The following CUL5 variants were observed in gnomAD, a reference collection of about 807,000 sequenced individuals.
CUL5 encodes the protein cullin 5.
In CUL5, 26 loss-of-function variants were observed where a neutral mutation model predicts 108.8. The observed-to-expected ratio is 0.24, with a 90% CI of 0.18 to 0.33. CUL5 has a LOEUF of 0.33. CUL5 is among the 10% of genes least tolerant of loss of function. CUL5 has a pLI of 1.00. For synonymous variants in CUL5, 334 were observed against 298.0 expected (o/e 1.12, Z -1.25); for missense variants, 524 against 909.2 (o/e 0.58, Z 5.45).
chr11:108,094,651 A>C, intron 14 of CUL5, 137 bp downstream of exon 14: 1 of 774,418 alleles, frequency 1.3e-6, no homozygotes, highest in Non-Finnish European at 2.0e-6. Context: ...ACAGCTATCA[A>C]AGCAGTGTGT....
intron 13 of CUL5, among the ~76,000 whole-genome samples, 198 bp from the exon 14 acceptor site, chr11:108,094,193 G>T (rs923212412): frequency 2.9e-4 from 44 of 152,106 alleles, no homozygotes; most frequent in African/African-American, 1.0e-3. Flanking sequence ...CTAAAAATGC[G>T]CAAAGCAGGG....
chr11:108,059,942 T>A (rs7931791), intron 7 of CUL5, among the ~76,000 whole-genome samples: 148,233 of 151,938 alleles, frequency 0.98, 72,393 homozygotes, highest in Middle Eastern at 1. Flanking sequence ...ATGAAATATG[T>A]TACATTAAGC....
At chr11:108,064,902 A>G (rs1285341897) in intron 7 of CUL5, among the ~76,000 whole-genome samples, 1 of 152,096 alleles carries the variant, frequency 6.6e-6, no homozygotes, top group Non-Finnish European at 1.5e-5. Flanking sequence ...TATTTTTCAG[A>G]CAGTTTGAGT....
intron 18 of CUL5, among the ~76,000 whole-genome samples, chr11:108,102,096 A>G (rs894526984): frequency 6.6e-6 from 1 of 152,054 alleles, no homozygotes; most frequent in South Asian, 2.1e-4. Context: ...ATCTTGGCTC[A>G]CTACAACCTC....
chr11:108,050,903 G>A (rs1863201614), intron 4 of CUL5, among the ~76,000 whole-genome samples: 1 of 152,034 alleles, frequency 6.6e-6, no homozygotes, highest in African/African-American at 2.4e-5. Flanking sequence ...GAATATGAAG[G>A]GTCCTAGGTT....
chr11:108,039,162 A>G (rs997867032), intron 2 of CUL5, among the ~76,000 whole-genome samples: 4 of 152,130 alleles, frequency 2.6e-5, no homozygotes, highest in Non-Finnish European at 5.9e-5. Flanking sequence ...CTGGGATTAC[A>G]GGCATGCACC....
At chr11:108,036,062 A>C (rs1862735524) in intron 2 of CUL5, among the ~76,000 whole-genome samples, 1 of 152,206 alleles carries the variant, frequency 6.6e-6, no homozygotes. Flanking sequence ...AAATATGCAC[A>C]TCAGGCTGGA....
At chr11:108,016,874 C>G (rs1383640415) in intron 1 of CUL5, among the ~76,000 whole-genome samples, 1 of 152,074 alleles carries the variant, frequency 6.6e-6, no homozygotes, top group African/African-American at 2.4e-5. Context: ...GGCTCATGCC[C>G]AACACTTTGG....
At position 108,104,799 on chromosome 11, in the gene CUL5, T is replaced by C. The variant is rs1233833056; in HGVS notation, c.*415T>C. 1.3e-5 allele frequency: 2 copies of C among 153,376 alleles called. No individual in the cohort carries two copies. The highest frequency in any genetic ancestry group is 2.9e-5 in the Non-Finnish European group (2 of 68,592). 9.5% of individuals were successfully genotyped at this position (153,376 alleles called of 1,614,324 possible). A position where few individuals can be genotyped will look rare whatever the true frequency, so the allele number is the denominator to read the frequency against. ...TCATGCACTGAAAAATGCTGTTATC[T>C]TTTGTTTTTAAAAAATGCAATTAAA... On this transcript the variant is annotated 3_prime_UTR_variant, in exon 19 of 19. Transcript: ENST00000393094.
intron 7 of CUL5, among the ~76,000 whole-genome samples, chr11:108,055,737 TCTC>T (rs1338426105): frequency 3.3e-5 from 5 of 151,378 alleles, no homozygotes; most frequent in Non-Finnish European, 1.5e-5. Flanking sequence ...CTCAAGCAGT[TCTC>T]CTGCCTCAGC....
intron 1 of CUL5, among the ~76,000 whole-genome samples, chr11:108,030,341 T>C (rs1044032082): frequency 6.6e-6 from 1 of 152,186 alleles, no homozygotes; most frequent in Admixed American, 6.5e-5. Flanking sequence ...TGGGTCCTTA[T>C]GATAAGAATA....
At chr11:108,021,243 G>T (rs531201258) in intron 1 of CUL5, among the ~76,000 whole-genome samples, 66 of 152,196 alleles carry the variant, frequency 4.3e-4, no homozygotes, top group Non-Finnish European at 7.2e-4. Context: ...TCCACAATCA[G>T]TATGGCGGGA....
chr11:108,052,696 A>G lies in CUL5; in HGVS notation c.448A>G (p.Asn150Asp). The change falls in exon 5 of 19, where the codon AAC (asparagine) becomes GAC (aspartate). Residue 150 changes from asparagine (N) to aspartate (D), a missense_variant. Transcript: ENST00000393094. ...LDTWNESIFS[N>D]IKNRLQDSAM... is the part of the protein sequence containing the mutation. Reference sequence around the variant, plus strand: ...TACATGGAATGAGTCAATCTTTTCAAACATAAAAAACAGACTCCAAGATAG... The same window carrying G: ...TACATGGAATGAGTCAATCTTTTCAGACATAAAAAACAGACTCCAAGATAG... The G allele has an allele frequency of 1.2e-6, 2 of 1,612,464 alleles. No individual in the cohort carries two copies. Among genetic ancestry groups the G allele is most frequent in the Non-Finnish European group, 1.7e-6 (2 of 1,179,122 alleles).
intron 7 of CUL5, among the ~76,000 whole-genome samples, chr11:108,059,814 G>A (rs12284965): frequency 0.016 from 2,477 of 152,002 alleles, 76 homozygotes; most frequent in African/African-American, 0.056. Flanking sequence ...AACCCAGGAG[G>A]CGGAGGTTGC....
chr11:108,076,000 A>G (rs774620515), intron 10 of CUL5, among the ~76,000 whole-genome samples: 2 of 152,032 alleles, frequency 1.3e-5, no homozygotes, highest in African/African-American at 2.4e-5. Context: ...TGAATCCAAT[A>G]TACAGTATAA....
chr11:108,038,566 T>C (rs563740957), intron 2 of CUL5, among the ~76,000 whole-genome samples: 116 of 151,810 alleles, frequency 7.6e-4, no homozygotes, highest in Middle Eastern at 3.4e-3. Flanking sequence ...TTCCAGCTAC[T>C]TGGGAGGCTG....
At chr11:108,054,591 C>A in intron 5 of CUL5, 56 bp from the exon 6 acceptor site, 2 of 1,223,460 alleles carry the variant, frequency 1.6e-6, no homozygotes, top group Non-Finnish European at 2.3e-6. Flanking sequence ...ATTTATTATA[C>A]TCAAAATACT....
At chr11:108,078,953 A>G (rs1864003059) in intron 11 of CUL5, among the ~76,000 whole-genome samples, 1 of 152,132 alleles carries the variant, frequency 6.6e-6, no homozygotes, top group Non-Finnish European at 1.5e-5. Context: ...ACCATATTAT[A>G]ATATTGATAT....
rs1358484538 is a variant in CUL5 at position 108,038,948 on chromosome 11, G to A, written c.134+5037G>A. 2.7e-5 allele frequency among the ~76,000 whole-genome samples: 4 copies of A among 150,780 alleles called. No homozygotes were observed. In the East Asian group the frequency reaches 7.8e-4, roughly 29 times the overall value. Reference sequence around the variant, plus strand: ...TTCTTTCTCTATTGAAGTACTCTTGGTATTTTGGGTGGTATAAGAGATTGT... The same window carrying A: ...TTCTTTCTCTATTGAAGTACTCTTGATATTTTGGGTGGTATAAGAGATTGT... On this transcript the variant is annotated intron_variant, in intron 2 of 18. Coordinates refer to ENST00000393094, the MANE Select transcript of CUL5 (RefSeq NM_003478.6).
Sources: gnomAD v4.1 joint callset for allele counts (sites outside exome capture counted in the v4.1 genomes callset) on GRCh38, gnomAD v4.1.1 for gene constraint, MANE v1.5 for transcripts, NCBI Gene and HGNC (gene_info 2026-07-23, HGNC 2026-07-21) for gene names.